Variants in MUCL1 observed in about 807,000 individuals in gnomAD.
MUCL1 encodes the protein mucin like 1, also known as mucin-like protein 1.
MUCL1 carries 11 observed loss-of-function variants against 9.2 expected under a neutral mutation model. The ratio of observed to expected loss-of-function variants is 1.19; its 90% CI spans 0.75 to 1.97. The LOEUF is 1.97. Among genes scored for constraint, MUCL1 ranks in the 30% most tolerant of loss-of-function variants. The probability of loss-of-function intolerance (pLI) is 0.00; values close to 1 mark genes in which losing one functional copy is unlikely to be tolerated. For synonymous variants in MUCL1, 48 were observed against 40.5 expected (o/e 1.19, Z -0.71); for missense variants, 144 against 110.9 (o/e 1.30, Z -1.34).
intron 3 of MUCL1, among the ~76,000 whole-genome samples, 194 bp from the exon 4 acceptor site, chr12:54,857,999 A>G (rs1057423114): frequency 6.6e-6 from 1 of 152,168 alleles, no homozygotes; most frequent in Non-Finnish European, 1.5e-5. Flanking sequence ...GCTTCCGTCT[A>G]AGGCTATATT....
At chr12:54,848,857 T>C (rs996028146) in intron 1 of MUCL1, among the ~76,000 whole-genome samples, 3 of 152,198 alleles carry the variant, frequency 2.0e-5, no homozygotes, top group Non-Finnish European at 4.4e-5. Flanking sequence ...CTGTTGGTAA[T>C]ACATATTAAA....
intron 1 of MUCL1, among the ~76,000 whole-genome samples, chr12:54,843,257 T>A (rs969107072): frequency 2.0e-5 from 3 of 152,174 alleles, no homozygotes; most frequent in Non-Finnish European, 4.4e-5. Flanking sequence ...TTTGGTATGA[T>A]GTTTGCTGTT....
rs1179347139 is a variant in MUCL1 at position 54,856,891 on chromosome 12, A to G, written c.222A>G (p.Pro74=). 1 of 1,613,712 alleles carries G rather than the reference A, an allele frequency of 6.2e-7. No individual in the cohort carries two copies. The highest frequency in any genetic ancestry group is 1.7e-5 in the Admixed American group (1 of 59,964). The change falls in exon 3 of 4, where the codon CCA becomes CCG. Residue 74 remains proline (P), a splice_region_variant and synonymous_variant. Transcript: ENST00000308796. Reference sequence around the variant, plus strand: ...CTACCACTGCTCGTAAAGACATTCCAGGTAGCAAGACTCCTCCATCTGTGT... The same window carrying G: ...CTACCACTGCTCGTAAAGACATTCCGGGTAGCAAGACTCCTCCATCTGTGT... ...AASTTARKDI[P]VLPKWVGDLP...
intron 1 of MUCL1, 70 bp from the exon 2 acceptor site, chr12:54,855,046 A>C: frequency 7.4e-7 from 1 of 1,347,016 alleles, no homozygotes; most frequent in Non-Finnish European, 1.1e-6. Context: ...TATTGTCCAT[A>C]TTCTCTCTTA....
chr12:54,831,518 T>C (rs1429307215), intron 1 of MUCL1, among the ~76,000 whole-genome samples: 2 of 152,034 alleles, frequency 1.3e-5, no homozygotes, highest in African/African-American at 4.8e-5. Flanking sequence ...GGAAATAACT[T>C]GAGATGATGA....
At chr12:54,837,551 G>A (rs1302905076), upstream of MUCL1, among the ~76,000 whole-genome samples, 3 of 152,068 alleles carry the variant, frequency 2.0e-5, no homozygotes. Flanking sequence ...AGACCACAAG[G>A]TCAGGAGATT....
intron 1 of MUCL1, chr12:54,839,496 G>C: frequency 1.4e-6 from 1 of 701,060 alleles, no homozygotes; most frequent in Non-Finnish European, 2.6e-6. Flanking sequence ...AGCCTTGACA[G>C]AGGCAGCTGG....
chr12:54,855,508 TC>T, intron 2 of MUCL1: 1 of 249,688 alleles, frequency 4.0e-6, no homozygotes, highest in Admixed American at 4.8e-5. Flanking sequence ...ATAGCCAGTG[TC>T]AAAAAGAGAC....
chr12:54,854,752 C>G (rs1357848619), intron 1 of MUCL1, 112 bp downstream of exon 1: 2 of 875,340 alleles, frequency 2.3e-6, no homozygotes, highest in East Asian at 5.0e-5. Flanking sequence ...CCTCTCCTAA[C>G]TTGTTCTATC....
upstream of MUCL1, among the ~76,000 whole-genome samples, chr12:54,837,490 G>T (rs971299160): frequency 4.7e-4 from 71 of 152,152 alleles, no homozygotes; most frequent in African/African-American, 1.5e-3. Context: ...TATGGGCTGG[G>T]TGTGGTGGCT....
intron 1 of MUCL1, among the ~76,000 whole-genome samples, chr12:54,831,635 C>T (rs1298180197): frequency 6.6e-6 from 1 of 152,022 alleles, no homozygotes; most frequent in East Asian, 1.9e-4. Flanking sequence ...CATTGAATAT[C>T]TAGATTATTT....
chr12:54,850,041 G>C (rs948752963), upstream of MUCL1, among the ~76,000 whole-genome samples: 6 of 152,146 alleles, frequency 3.9e-5, no homozygotes, highest in Non-Finnish European at 8.8e-5. Context: ...GCCACCCAGA[G>C]GGCTGCTTCT....
At chr12:54,848,068 T>C (rs1286982362) in intron 1 of MUCL1, among the ~76,000 whole-genome samples, 1 of 140,528 alleles carries the variant, frequency 7.1e-6, no homozygotes, top group Non-Finnish European at 1.5e-5. Context: ...TCTGAACCCA[T>C]CGTTAGTCTG....
chr12:54,845,708 T>C (rs546186219), intron 1 of MUCL1, among the ~76,000 whole-genome samples: 1 of 152,288 alleles, frequency 6.6e-6, no homozygotes, highest in East Asian at 1.9e-4. Context: ...TACATTTTGT[T>C]ACTGACAAAG....
At chr12:54,838,144 A>G (rs1042974009), upstream of MUCL1, among the ~76,000 whole-genome samples, 4 of 152,204 alleles carry the variant, frequency 2.6e-5, no homozygotes, top group African/African-American at 9.6e-5. Context: ...AAACTCCCTC[A>G]GCATTTGCTT....
At chr12:54,831,597 A>G (rs1190405876) in intron 1 of MUCL1, among the ~76,000 whole-genome samples, 1 of 152,124 alleles carries the variant, frequency 6.6e-6, no homozygotes, top group African/African-American at 2.4e-5. Context: ...TGAAACCTTA[A>G]GTTATACTAA....
At chr12:54,847,216 G>A (rs964395325) in intron 1 of MUCL1, among the ~76,000 whole-genome samples, 21 of 152,084 alleles carry the variant, frequency 1.4e-4, no homozygotes, top group Admixed American at 6.6e-5. Context: ...ACCGAGTGCC[G>A]GGCACTCTTC....
chr12:54,840,302 A>G (rs1350385389), intron 1 of MUCL1, among the ~76,000 whole-genome samples: 1 of 152,224 alleles, frequency 6.6e-6, no homozygotes, highest in South Asian at 2.1e-4. Flanking sequence ...CAGCTGCAGT[A>G]GTAATAAACT....
chr12:54,831,196 TA>T (rs1373020987), intron 1 of MUCL1, among the ~76,000 whole-genome samples: 1 of 152,210 alleles, frequency 6.6e-6, no homozygotes, highest in Non-Finnish European at 1.5e-5. Context: ...GTTTATGTGA[TA>T]TTTTTCTACT....
Sources: gnomAD v4.1 joint callset for allele counts (sites outside exome capture counted in the v4.1 genomes callset) on GRCh38, gnomAD v4.1.1 for gene constraint, MANE v1.5 for transcripts, NCBI Gene and HGNC (gene_info 2026-07-23, HGNC 2026-07-21) for gene names.